Variants in CSMD1 observed in about 807,000 individuals in gnomAD.
The protein encoded by CSMD1 is CUB and sushi domain-containing protein 1.
In CSMD1, 213 loss-of-function variants were observed where a neutral mutation model predicts 417.5. That is an observed-to-expected ratio of 0.51 (90% CI 0.46 to 0.57). CSMD1 has a LOEUF of 0.57. Among genes scored for constraint, CSMD1 ranks in the 20% least tolerant of loss-of-function variants. The probability of loss-of-function intolerance (pLI) is 0.00; values close to 1 mark genes in which losing one functional copy is unlikely to be tolerated. For missense variants in CSMD1, 6,923 were observed against 4,529.7 expected (o/e 1.53, Z -15.17); for synonymous variants, 2,862 against 1,736.8 (o/e 1.65, Z -16.11).
intron 7 of CSMD1, among the ~76,000 whole-genome samples, chr8:3,683,416 T>C (rs1342759837): frequency 6.6e-6 from 1 of 151,990 alleles, no homozygotes; most frequent in East Asian, 1.9e-4. Context: ...TTACAGGCAA[T>C]GGTTTGAAAC....
Position 3,595,194 on chromosome 8 carries a change from T to A in CSMD1, c.1098-8934A>T, listed in dbSNP as rs530466934. Among the ~76,000 whole-genome samples the A allele has an allele frequency of 1.4e-4, 22 of 152,280 alleles. 1 individual carries two copies. The South Asian group carries it at 4.1e-3, about 29-fold the overall frequency. On this transcript the variant is annotated intron_variant, in intron 8 of 69. Transcript: ENST00000635120. Reference sequence around the variant, plus strand: ...GGGATGCCCCTTAGGGACACGATCCTAATAAGCAAGACCAGGAAGGCTGGG... The same window carrying A: ...GGGATGCCCCTTAGGGACACGATCCAAATAAGCAAGACCAGGAAGGCTGGG...
At chr8:4,465,281 G>T (rs1056944527) in intron 2 of CSMD1, among the ~76,000 whole-genome samples, 1 of 152,088 alleles carries the variant, frequency 6.6e-6, no homozygotes, top group African/African-American at 2.4e-5. Flanking sequence ...CTGTGACCCA[G>T]GTGCTAACCC....
intron 1 of CSMD1, among the ~76,000 whole-genome samples, chr8:4,759,897 G>A (rs1050106523): frequency 6.6e-6 from 1 of 152,144 alleles, no homozygotes. Flanking sequence ...ATTTATAATA[G>A]CATGACTTAT....
At chr8:4,183,603 CT>C (rs530777084) in intron 3 of CSMD1, among the ~76,000 whole-genome samples, 112 of 152,224 alleles carry the variant, frequency 7.4e-4, no homozygotes, top group African/African-American at 2.4e-3. Flanking sequence ...TAATTTTGAA[CT>C]TTTTTAAAAT....
At chr8:4,393,078 C>G (rs1042832008) in intron 3 of CSMD1, among the ~76,000 whole-genome samples, 1 of 152,122 alleles carries the variant, frequency 6.6e-6, no homozygotes, top group Admixed American at 6.5e-5. Flanking sequence ...GGGGTTCAAG[C>G]GATTCTCGTG....
intron 3 of CSMD1, among the ~76,000 whole-genome samples, chr8:4,365,858 A>G (rs973877132): frequency 3.3e-5 from 5 of 152,208 alleles, no homozygotes; most frequent in Non-Finnish European, 7.3e-5. Flanking sequence ...CATCACTAAA[A>G]ATCTACTTAA....
intron 2 of CSMD1, among the ~76,000 whole-genome samples, chr8:4,484,855 C>T (rs1585150260): frequency 2.0e-5 from 3 of 151,804 alleles, no homozygotes; most frequent in African/African-American, 7.2e-5. Context: ...CGCCTGTAGT[C>T]CCAACTACTC....
intron 7 of CSMD1, among the ~76,000 whole-genome samples, chr8:3,644,058 C>G (rs1471719464): frequency 6.6e-6 from 1 of 152,166 alleles, no homozygotes; most frequent in Admixed American, 6.5e-5. Flanking sequence ...AAGCTTCCAA[C>G]TTTTATCTTT....
chr8:3,478,331 A>G (rs908511037), intron 11 of CSMD1, among the ~76,000 whole-genome samples: 5 of 152,260 alleles, frequency 3.3e-5, no homozygotes, highest in Admixed American at 1.3e-4. Flanking sequence ...AAAGTTGACT[A>G]AAGCCCAACG....
At chr8:3,168,631 T>TCACACACACACACACACACACA (rs59927132) in intron 37 of CSMD1, among the ~76,000 whole-genome samples, 2 of 148,804 alleles carry the variant, frequency 1.3e-5, no homozygotes, top group Admixed American at 6.7e-5. Flanking sequence ...TAAGTCTTCA[T>TCACACACACACACACACACACA]CACACACACA....
At chr8:4,014,261 T>C (rs532539268) in intron 4 of CSMD1, among the ~76,000 whole-genome samples, 36 of 152,338 alleles carry the variant, frequency 2.4e-4, no homozygotes, top group African/African-American at 7.9e-4. Context: ...AACACAGTGC[T>C]ATATGTACAG....
intron 10 of CSMD1, among the ~76,000 whole-genome samples, chr8:3,506,728 C>T (rs1037703817): frequency 5.3e-5 from 8 of 152,208 alleles, no homozygotes; most frequent in Admixed American, 5.2e-4. Flanking sequence ...CAATGATTGA[C>T]TGTATAGGAG....
intron 5 of CSMD1, among the ~76,000 whole-genome samples, chr8:3,837,150 G>A (rs1377628411): frequency 2.6e-4 from 32 of 121,384 alleles, no homozygotes; most frequent in Admixed American, 1.9e-3. Flanking sequence ...AGTCACTAAA[G>A]GAAAAAAAAA....
chr8:3,990,141 T>C (rs910780168), intron 5 of CSMD1, among the ~76,000 whole-genome samples: 3 of 152,212 alleles, frequency 2.0e-5, no homozygotes, highest in Admixed American at 2.0e-4. Context: ...GTTAATTTAG[T>C]TTTACTTTTT....
intron 18 of CSMD1, among the ~76,000 whole-genome samples, chr8:3,376,690 A>G (rs1053269720): frequency 1.3e-5 from 2 of 152,168 alleles, no homozygotes; most frequent in Non-Finnish European, 2.9e-5. Flanking sequence ...TTAACATTTG[A>G]ATGTGTGAAA....
At chr8:3,798,104 T>C (rs927941392) in intron 5 of CSMD1, among the ~76,000 whole-genome samples, 5 of 152,030 alleles carry the variant, frequency 3.3e-5, no homozygotes, top group Non-Finnish European at 4.4e-5. Context: ...GTGGGTTTTT[T>C]ATTATTTATT....
intron 3 of CSMD1, among the ~76,000 whole-genome samples, chr8:4,052,037 G>C (rs1414519524): frequency 2.0e-5 from 3 of 151,946 alleles, no homozygotes; most frequent in East Asian, 3.9e-4. Context: ...ACAGGTTCAA[G>C]GGATTATCCT....
intron 54 of CSMD1, among the ~76,000 whole-genome samples, chr8:2,982,387 T>C (rs989727350): frequency 3.9e-5 from 6 of 152,088 alleles, no homozygotes; most frequent in African/African-American, 1.4e-4. Context: ...AAAGCAAATA[T>C]GGATAAACAT....
intron 3 of CSMD1, among the ~76,000 whole-genome samples, chr8:4,267,599 GA>G (rs1209310889): frequency 6.6e-6 from 1 of 151,784 alleles, no homozygotes; most frequent in Non-Finnish European, 1.5e-5. Flanking sequence ...TTGGTTGGTA[GA>G]AAAAAATGGA....
Sources: gnomAD v4.1 joint callset for allele counts (sites outside exome capture counted in the v4.1 genomes callset) on GRCh38, gnomAD v4.1.1 for gene constraint, MANE v1.5 for transcripts, NCBI Gene and HGNC (gene_info 2026-07-23, HGNC 2026-07-21) for gene names.